The following RP1 variants were observed in gnomAD, a reference collection of about 807,000 sequenced individuals.
RP1 encodes the protein oxygen-regulated protein 1.
A neutral mutation model predicts 14.8 loss-of-function variants in RP1; 16 were observed. That is an observed-to-expected ratio of 1.08 (90% CI 0.73 to 1.65). The LOEUF is 1.65. Among genes scored for constraint, RP1 ranks in the 40% most tolerant of loss-of-function variants. The pLI is 0.00. For missense variants in RP1, 2,631 were observed against 2,535.0 expected (o/e 1.04, Z -0.81); for synonymous variants, 876 against 883.6 (o/e 0.99, Z 0.15).
At chr8:54,793,458 C>T (rs1810515712) in intron 24 of RP1, among the ~76,000 whole-genome samples, 1 of 151,894 alleles carries the variant, frequency 6.6e-6, no homozygotes, top group Non-Finnish European at 1.5e-5. Context: ...AATTCAATAG[C>T]ACATTAAAGT....
exon 25 of RP1, chr8:54,837,494 A>G (rs1327597944): frequency 4.1e-6 from 5 of 1,231,556 alleles, no homozygotes; most frequent in Non-Finnish European, 5.1e-6. Context: ...TACGTATTGG[A>G]CATGACAACA....
At chr8:54,592,976 G>T (rs971617547) in intron 1 of RP1, among the ~76,000 whole-genome samples, 3 of 152,144 alleles carry the variant, frequency 2.0e-5, no homozygotes, top group Non-Finnish European at 4.4e-5. Context: ...GCCCCCTACA[G>T]GCATCAGTGA....
intron 12 of RP1, among the ~76,000 whole-genome samples, chr8:54,694,736 G>T (rs1312621510): frequency 2.6e-5 from 4 of 152,014 alleles, no homozygotes; most frequent in African/African-American, 4.8e-5. Flanking sequence ...CTTGCTAGCG[G>T]TCTATCAATT....
intron 25 of RP1, among the ~76,000 whole-genome samples, chr8:54,843,835 AG>A (rs1811848727): frequency 6.6e-6 from 1 of 152,150 alleles, no homozygotes; most frequent in African/African-American, 2.4e-5. Context: ...CTGTTGGGAA[AG>A]GGGGCACCTG....
At chr8:54,584,600 G>C (rs1455326963) in intron 1 of RP1, among the ~76,000 whole-genome samples, 1 of 152,152 alleles carries the variant, frequency 6.6e-6, no homozygotes, top group East Asian at 1.9e-4. Context: ...TGACAGTGGG[G>C]TGTTAAAGTC....
At chr8:54,705,395 G>A (rs1808125508) in intron 14 of RP1, among the ~76,000 whole-genome samples, 1 of 152,212 alleles carries the variant, frequency 6.6e-6, no homozygotes, top group South Asian at 2.1e-4. Context: ...GTGTGTGACA[G>A]TATGCATGGA....
intron 24 of RP1, among the ~76,000 whole-genome samples, chr8:54,811,027 C>A (rs1394411039): frequency 1.3e-5 from 2 of 152,168 alleles, no homozygotes; most frequent in Non-Finnish European, 2.9e-5. Flanking sequence ...TAAGAGATAG[C>A]AGAATAAACC....
Position 54,723,539 on chromosome 8 carries a change from A to G in RP1, c.2390-2806A>G, listed in dbSNP as rs369748907. ...ACCTCTTCACTCTCTATTTTCATGA[A>G]TTTATATTCGCAGTGTATACATGAG... On this transcript the variant is annotated intron_variant, in intron 16 of 22. Transcript: ENST00000636932. Among the ~76,000 whole-genome samples, 3 of 152,138 alleles carry G rather than the reference A, an allele frequency of 2.0e-5. No individual in the cohort carries two copies. The South Asian group carries it at 6.2e-4, about 32-fold the overall frequency.
At chr8:54,771,846 A>G (rs1474702335), downstream of RP1, among the ~76,000 whole-genome samples, 1 of 152,116 alleles carries the variant, frequency 6.6e-6, no homozygotes, top group Non-Finnish European at 1.5e-5. Flanking sequence ...CTATTGAGGC[A>G]GTGTTACATT....
intron 12 of RP1, among the ~76,000 whole-genome samples, chr8:54,699,162 G>C (rs1252288492): frequency 6.6e-6 from 1 of 150,960 alleles, no homozygotes; most frequent in African/African-American, 2.4e-5. Context: ...TATAGATATA[G>C]CTGTGTATAT....
rs1026957354 is a variant in RP1, at chr8:54,607,124, T to G, written c.-12-13831T>G. Among the ~76,000 whole-genome samples, 6 of 152,176 alleles carry G rather than the reference T, an allele frequency of 3.9e-5. No individual in the cohort carries two copies. The South Asian group carries it at 6.2e-4, about 16-fold the overall frequency. ...CTTTGGAGGAGGAGAGGCGCTCTGA[T>G]TTTTAGAGTTTCCAGTTTTTCTGCT... On this transcript the variant is annotated intron_variant, in intron 1 of 22. Transcript: ENST00000636932.
intron 25 of RP1, among the ~76,000 whole-genome samples, chr8:54,851,997 C>T (rs1470198988): frequency 6.6e-6 from 1 of 152,162 alleles, no homozygotes; most frequent in Non-Finnish European, 1.5e-5. Flanking sequence ...TTATTTCTAT[C>T]AATGTCTCAG....
intron 5 of RP1, among the ~76,000 whole-genome samples, chr8:54,655,228 A>G (rs1197220124): frequency 6.6e-6 from 1 of 152,246 alleles, no homozygotes; most frequent in Non-Finnish European, 1.5e-5. Flanking sequence ...TAGGCTAACA[A>G]TCCTTACATT....
intron 22 of RP1, among the ~76,000 whole-genome samples, chr8:54,768,029 G>C (rs887827322): frequency 6.6e-6 from 1 of 152,196 alleles, no homozygotes; most frequent in Admixed American, 6.5e-5. Context: ...GGTGACGTCA[G>C]TCCTACAGCT....
chr8:54,601,199 C>T (rs17317620), intron 1 of RP1, among the ~76,000 whole-genome samples: 52,241 of 151,996 alleles, frequency 0.34, 9,543 homozygotes, highest in Middle Eastern at 0.49. Context: ...AGATACCTCT[C>T]CACTGTTAAA....
intron 23 of RP1, among the ~76,000 whole-genome samples, chr8:54,777,696 C>A (rs1313855914): frequency 1.3e-5 from 2 of 151,922 alleles, no homozygotes; most frequent in East Asian, 3.9e-4. Context: ...TTTTGAAGGA[C>A]TTGTGAATTT....
At chr8:54,681,314 G>A (rs762933950) in intron 12 of RP1, among the ~76,000 whole-genome samples, 4 of 152,044 alleles carry the variant, frequency 2.6e-5, no homozygotes, top group Non-Finnish European at 4.4e-5. Flanking sequence ...CTCACATCAA[G>A]TACACCAGCT....
At chr8:54,697,372 T>C (rs1169470553) in intron 12 of RP1, among the ~76,000 whole-genome samples, 1 of 152,026 alleles carries the variant, frequency 6.6e-6, no homozygotes, top group African/African-American at 2.4e-5. Flanking sequence ...CTGACCAACA[T>C]GGAGAAACCC....
chr8:54,720,101 T>A, intron 15 of RP1: 6 of 1,451,946 alleles, frequency 4.1e-6, no homozygotes, highest in Non-Finnish European at 5.5e-6. Flanking sequence ...TTGCTCACAT[T>A]TATTGAATCA....
Sources: gnomAD v4.1 joint callset for allele counts (sites outside exome capture counted in the v4.1 genomes callset) on GRCh38, gnomAD v4.1.1 for gene constraint, MANE v1.5 for transcripts, NCBI Gene and HGNC (gene_info 2026-07-23, HGNC 2026-07-21) for gene names.